CFAP43: variants seen among roughly 807,000 people sequenced by gnomAD.
The protein encoded by CFAP43 is cilia and flagella associated protein 43.
In CFAP43, 155 loss-of-function variants were observed where a neutral mutation model predicts 218.9. That is an observed-to-expected ratio of 0.71 (90% CI 0.62 to 0.81). CFAP43 has a LOEUF of 0.81. Ranked by LOEUF, CFAP43 falls within the 30% of genes least tolerant of loss-of-function variation. CFAP43 has a pLI of 0.00. For synonymous variants in CFAP43, 645 were observed against 681.3 expected (o/e 0.95, Z 0.83); for missense variants, 1,778 against 1,954.3 (o/e 0.91, Z 1.70).
At chr10:104,220,949 CGTGTGTGTGTGTGTGTGTGT>C (rs68093596) in intron 3 of CFAP43, among the ~76,000 whole-genome samples, 1 of 143,580 alleles carries the variant, frequency 7.0e-6, no homozygotes, top group Non-Finnish European at 1.5e-5. Flanking sequence ...TATGAGTGAG[CGTGTGTGTGTGTGTGTGTGT>C]GTGTGTGTGT....
intron 19 of CFAP43, among the ~76,000 whole-genome samples, 161 bp from the exon 20 acceptor site, chr10:104,172,696 ATT>A (rs1477919372): frequency 6.6e-6 from 1 of 152,224 alleles, no homozygotes. Flanking sequence ...TATTGTGGTT[ATT>A]GAAGTTTTAA....
chr10:104,184,923 C>T, intron 16 of CFAP43, 93 bp downstream of exon 16: 1 of 1,521,500 alleles, frequency 6.6e-7, no homozygotes, highest in South Asian at 1.3e-5. Context: ...AGTGGTCTCC[C>T]AGCACGTTGG....
intron 12 of CFAP43, among the ~76,000 whole-genome samples, chr10:104,191,786 GT>G (rs1314317442): frequency 8.7e-5 from 8 of 91,686 alleles, no homozygotes; most frequent in Middle Eastern, 4.8e-3. Context: ...AAAATTGTGT[GT>G]GTGGGGGGGG....
At chr10:104,162,474 GGGA>G in intron 24 of CFAP43, 71 bp from the exon 25 acceptor site, 1 of 1,340,336 alleles carries the variant, frequency 7.5e-7, no homozygotes, top group Non-Finnish European at 1.1e-6. Flanking sequence ...TCCACATACT[GGGA>G]GGAGGCTGGA....
intron 24 of CFAP43, among the ~76,000 whole-genome samples, chr10:104,163,629 T>G (rs975596240): frequency 6.6e-6 from 1 of 152,142 alleles, no homozygotes; most frequent in East Asian, 1.9e-4. Flanking sequence ...TCCACTGGCC[T>G]CGTTCCCGCA....
intron 3 of CFAP43, among the ~76,000 whole-genome samples, chr10:104,221,076 A>G (rs2091166498): frequency 6.6e-6 from 1 of 151,736 alleles, no homozygotes; most frequent in African/African-American, 2.4e-5. Context: ...CCCAGGTTCA[A>G]GTGATTCTCC....
At chr10:104,195,873 C>T (rs1222116650) in intron 10 of CFAP43, among the ~76,000 whole-genome samples, 1 of 152,212 alleles carries the variant, frequency 6.6e-6, no homozygotes, top group Non-Finnish European at 1.5e-5. Flanking sequence ...CACTGAGAAA[C>T]TATCCCTCCC....
intron 11 of CFAP43, 136 bp from the exon 12 acceptor site, chr10:104,192,438 C>A: frequency 1.5e-6 from 1 of 680,598 alleles, no homozygotes; most frequent in Non-Finnish European, 2.6e-6. Flanking sequence ...ATTCTCTGAC[C>A]TTATTAAAGT....
At chr10:104,182,283 C>T in intron 17 of CFAP43, 83 bp downstream of exon 17, 1 of 1,399,004 alleles carries the variant, frequency 7.1e-7, no homozygotes, top group Non-Finnish European at 9.5e-7. Flanking sequence ...TAAATATCTG[C>T]TTAAAGAAAA....
intron 12 of CFAP43, among the ~76,000 whole-genome samples, chr10:104,191,194 A>G (rs1293141572): frequency 6.6e-6 from 1 of 152,202 alleles, no homozygotes; most frequent in East Asian, 1.9e-4. Context: ...AAATCATGCC[A>G]GCTCCATCTT....
chr10:104,131,370 C>A lies in CFAP43; in HGVS notation c.4792G>T (p.Val1598Leu), dbSNP rs984715044. 1 of 1,613,390 alleles carries A rather than the reference C, an allele frequency of 6.2e-7. No individual in the cohort carries two copies. The highest frequency in any genetic ancestry group is 8.5e-7 in the Non-Finnish European group (1 of 1,179,848). ...ATGTCTTTTCTCTCTGAGACAGCTACCAACTCTTCTCGTAGATTGCAGCTT... is the reference window on the plus strand; with the variant it reads ...ATGTCTTTTCTCTCTGAGACAGCTAACAACTCTTCTCGTAGATTGCAGCTT... ...ALSCNLREEL[V>L]AVSERKDICN... The change falls in exon 37 of 38, where the codon GTA (valine) becomes TTA (leucine). Residue 1598 changes from valine to leucine, a missense_variant. Transcript: ENST00000357060.
At chr10:104,229,448 T>C (rs2091389689) in intron 2 of CFAP43, among the ~76,000 whole-genome samples, 1 of 149,040 alleles carries the variant, frequency 6.7e-6, no homozygotes, top group Non-Finnish European at 1.5e-5. Flanking sequence ...AGGCCAGGAG[T>C]TCGAGACCAG....
At chr10:104,143,002 G>A (rs1404019669) in intron 32 of CFAP43, among the ~76,000 whole-genome samples, 1 of 152,014 alleles carries the variant, frequency 6.6e-6, no homozygotes, top group African/African-American at 2.4e-5. Flanking sequence ...TCAAAGAAAT[G>A]AACTTAATTT....
intron 17 of CFAP43, among the ~76,000 whole-genome samples, chr10:104,180,309 A>G (rs763975248): frequency 2.0e-5 from 3 of 151,858 alleles, no homozygotes; most frequent in Non-Finnish European, 2.9e-5. Flanking sequence ...TTTCAATGCC[A>G]TCTCCTTCTG....
At chr10:104,159,476 G>C (rs916329970) in intron 27 of CFAP43, among the ~76,000 whole-genome samples, 2 of 152,244 alleles carry the variant, frequency 1.3e-5, no homozygotes, top group South Asian at 4.1e-4. Flanking sequence ...GATGATGCAG[G>C]AAAGAAGAGG....
At position 104,206,216 on chromosome 10, in the gene CFAP43, G is replaced by A. The variant is rs1589777021; in HGVS notation, c.896-186C>T. 2.0e-5 allele frequency among the ~76,000 whole-genome samples: 3 copies of A among 152,122 alleles called. No individual in the cohort carries two copies. In the South Asian group the frequency reaches 6.2e-4, roughly 32 times the overall value. ...AGGAGCAAGGCTGGAGGGTATAGTA[G>A]GAGTAAAGGGAAGAGAGAAAGGGAG... On this transcript the variant is annotated intron_variant, in intron 6 of 37. Transcript: ENST00000357060.
In CFAP43 at chr10:104,166,655, C is replaced by T. The variant is rs757424709; in HGVS notation, c.2872G>A (p.Asp958Asn). The change falls in exon 23 of 38, where the codon GAT (aspartate) becomes AAT (asparagine). Residue 958 changes from aspartate to asparagine, a missense_variant. Around this residue, in one of 3 missense-constraint regions of CFAP43, gnomAD observed 1,553 missense variants for 1,685.2 expected, o/e 0.92. Coordinates refer to ENST00000357060, the MANE Select transcript of CFAP43 (RefSeq NM_025145.7). Reference protein sequence around the residue: ...VKLIKQRHEEDDEEEEEEDKT... With the variant: ...VKLIKQRHEENDEEEEEEDKT... The stretch of plus-strand genomic sequence containing the variant: ...TCTTCCTCTTCCTCTTCTTCATCAT[C>T]CTCTTCATGACGCTGTTTAATCAAC... 6.2e-7 allele frequency: 1 copy of T among 1,614,130 alleles called. No homozygotes were observed. Among genetic ancestry groups the T allele is most frequent in the South Asian group, 1.1e-5 (1 of 91,076 alleles).
In CFAP43 at chr10:104,167,754, C is replaced by T. The variant is rs776903797; in HGVS notation, c.2692-17G>A. 6.4e-7 allele frequency: 1 copy of T among 1,574,112 alleles called. No homozygotes were observed. The highest frequency in any genetic ancestry group is 2.3e-5 in the East Asian group (1 of 44,382). On this transcript the variant is annotated splice_polypyrimidine_tract_variant and intron_variant, in intron 21 of 37. Transcript: ENST00000357060. ...ATGAAAACACTTGGGGAAAAAAACGCAAGACAAAATAAATCCATTTGTAGT... is the reference window on the plus strand; with the variant it reads ...ATGAAAACACTTGGGGAAAAAAACGTAAGACAAAATAAATCCATTTGTAGT...
chr10:104,204,621 T>C (rs2090626395), intron 7 of CFAP43, among the ~76,000 whole-genome samples: 1 of 152,114 alleles, frequency 6.6e-6, no homozygotes, highest in Admixed American at 6.5e-5. Context: ...AGGGTGGTCT[T>C]GAAGAGGACA....
Sources: gnomAD v4.1 joint callset for allele counts (sites outside exome capture counted in the v4.1 genomes callset) on GRCh38, gnomAD v4.1.1 for gene constraint, gnomAD v4.1.1 regional missense constraint, MANE v1.5 for transcripts, NCBI Gene and HGNC (gene_info 2026-07-23, HGNC 2026-07-21) for gene names.